ZNF595: variants seen among roughly 807,000 people sequenced by gnomAD.
ZNF595 encodes zinc finger protein 595.
Under a neutral mutation model 19.4 loss-of-function variants are expected in ZNF595, and 9 were observed. The ratio of observed to expected loss-of-function variants is 0.46; its 90% CI spans 0.28 to 0.81. ZNF595 has a LOEUF of 0.81. ZNF595 is among the 30% of genes least tolerant of loss of function. The pLI is 0.11. For synonymous variants in ZNF595, 255 were observed against 255.9 expected, an observed-to-expected ratio of 1.00 and a Z score of 0.03; for missense variants, 729 against 736.0, an observed-to-expected ratio of 0.99 and a Z score of 0.11.
intron 1 of ZNF595, among the ~76,000 whole-genome samples, chr4:59,167 CT>C (rs1712744570): frequency 1.3e-5 from 2 of 151,718 alleles, no homozygotes; most frequent in East Asian, 3.9e-4. Context: ...TGAGTTCACC[CT>C]TTGTTCAAGG....
At chr4:79,441 A>T (rs143534834) in intron 3 of ZNF595, among the ~76,000 whole-genome samples, 12 of 152,324 alleles carry the variant, frequency 7.9e-5, no homozygotes, top group African/African-American at 2.6e-4. Context: ...CTGCTTTATC[A>T]TGTGGGTAAT....
Position 85,819 on chromosome 4 carries a change from A to G in ZNF595, c.315A>G (p.Lys105=), listed in dbSNP as rs782006944. Residue 105 remains lysine (K), a synonymous_variant, in exon 4 of 4, where the codon AAA becomes AAG. Coordinates refer to ENST00000610261, the MANE Select transcript of ZNF595 (RefSeq NM_182524.4). ...FHKLILKRYE[K]CGHENLQLRK... ...AACTTATACTGAAAAGATACGAGAA[A>G]TGTGGACATGAGAATTTACAATTAA... is the stretch of plus-strand genomic sequence containing the variant. The G allele has an allele frequency of 4.4e-5, 71 of 1,613,922 alleles. No individual in the cohort carries two copies. Among genetic ancestry groups the G allele is most frequent in the Non-Finnish European group, 5.7e-5 (67 of 1,179,940 alleles).
Position 87,213 on chromosome 4 carries a change from G to A in ZNF595, c.1709G>A (p.Gly570Asp). 1 of 1,595,188 alleles carries A rather than the reference G, an allele frequency of 6.3e-7. No individual in the cohort carries two copies. Among genetic ancestry groups the A allele is most frequent in the Non-Finnish European group, 8.6e-7 (1 of 1,167,692 alleles). Residue 570 changes from glycine to aspartate, a missense_variant, in exon 4 of 4, where the codon GGC becomes GAC. Gly to Asp is a moderately conservative substitution (Grantham distance 94). This residue lies in a region of ZNF595 where 729 missense variants were observed against 675.3 expected (regional missense o/e 1.08). Coordinates refer to ENST00000610261, the MANE Select transcript of ZNF595 (RefSeq NM_182524.4). The part of the protein sequence containing the change: ...GEKPYKCKEC[G>D]KAYNLSSTLT... ...AAACCCTACAAATGCAAAGAATGTG[G>A]CAAAGCCTATAACTTATCCTCAACC...
chr4:69,623 T>G (rs1713345569), intron 3 of ZNF595, among the ~76,000 whole-genome samples: 1 of 152,222 alleles, frequency 6.6e-6, no homozygotes, highest in African/African-American at 2.4e-5. Context: ...TTATGTGCCT[T>G]ACGTATTCTG....
chr4:73,643 C>T (rs539523222), intron 3 of ZNF595, among the ~76,000 whole-genome samples: 2 of 152,294 alleles, frequency 1.3e-5, no homozygotes, highest in East Asian at 3.9e-4. Flanking sequence ...TAACCCACCT[C>T]CTCTTTTCCC....
chr4:68,757 A>G (rs1713310502), intron 3 of ZNF595, among the ~76,000 whole-genome samples: 1 of 152,348 alleles, frequency 6.6e-6, no homozygotes, highest in African/African-American at 2.4e-5. Context: ...TTATTTTACG[A>G]ACAATCTAAT....
intron 3 of ZNF595, chr4:60,521 A>G (rs1712807713): frequency 2.9e-5 from 13 of 452,370 alleles, no homozygotes; most frequent in South Asian, 2.1e-4. Context: ...CATGCCTAAA[A>G]TACGTAAGGT....
In ZNF595 at chr4:85,967, A is replaced by G; in HGVS notation, c.463A>G (p.Ser155Gly). 2 of 1,609,484 alleles carry G rather than the reference A, an allele frequency of 1.2e-6. No individual in the cohort carries two copies. The highest frequency in any genetic ancestry group is 1.7e-6 in the Non-Finnish European group (2 of 1,177,392). The change falls in exon 4 of 4, where the codon AGT becomes GGT. Residue 155 changes from serine (S) to glycine (G), a missense_variant. Coordinates refer to ENST00000610261, the MANE Select transcript of ZNF595 (RefSeq NM_182524.4). ...ATGTAATACATGTGTTAAAGTTTTT[A>G]GTAAATTTTCAAATTCAAACAAACA... ...FQCNTCVKVF[S>G]KFSNSNKHKI...
At chr4:81,137 G>T (rs1453058885) in intron 3 of ZNF595, among the ~76,000 whole-genome samples, 1 of 152,152 alleles carries the variant, frequency 6.6e-6, no homozygotes, top group Non-Finnish European at 1.5e-5. Context: ...CCAGCTTCAT[G>T]CATGTCCCTG....
intron 3 of ZNF595, among the ~76,000 whole-genome samples, chr4:79,680 T>TTG (rs1273956580): frequency 6.6e-6 from 1 of 151,710 alleles, no homozygotes; most frequent in Non-Finnish European, 1.5e-5. Context: ...TTGTTGTTTT[T>TTG]TTTTTTTTTC....
At chr4:66,749 A>C (rs1289990792) in intron 3 of ZNF595, among the ~76,000 whole-genome samples, 2 of 152,228 alleles carry the variant, frequency 1.3e-5, no homozygotes, top group Admixed American at 6.5e-5. Context: ...TCATTTGAAC[A>C]TATACACAGT....
At chr4:80,888 T>C (rs1229891223) in intron 3 of ZNF595, among the ~76,000 whole-genome samples, 1 of 151,610 alleles carries the variant, frequency 6.6e-6, no homozygotes, top group African/African-American at 2.4e-5. Context: ...TAAGTATACA[T>C]GCGCCATGGT....
intron 3 of ZNF595, among the ~76,000 whole-genome samples, chr4:75,098 A>C (rs1453881113): frequency 6.6e-6 from 1 of 151,672 alleles, no homozygotes; most frequent in African/African-American, 2.4e-5. Context: ...GTTATTATTG[A>C]CATGGAATAT....
At chr4:70,173 T>C (rs569290245) in intron 3 of ZNF595, among the ~76,000 whole-genome samples, 2 of 152,274 alleles carry the variant, frequency 1.3e-5, no homozygotes, top group Non-Finnish European at 2.9e-5. Context: ...ATAATTATCT[T>C]TAATATTTTT....
At position 87,415 on chromosome 4, in the gene ZNF595, A is replaced by G; in HGVS notation, c.1911A>G (p.Val637=). Reference sequence around the variant, plus strand: ...TTAATCGGCCCTCAACCCTTACTGTACACAAGCGAATTCATACTGGCAAGG... The same window carrying G: ...TTAATCGGCCCTCAACCCTTACTGTGCACAAGCGAATTCATACTGGCAAGG... The part of the protein sequence containing the change: ...KAFNRPSTLT[V]HKRIHTGKEH... Residue 637 remains valine, a synonymous_variant, in exon 4 of 4, where the codon GTA becomes GTG. Transcript: ENST00000610261. 6.2e-7 allele frequency: 1 copy of G among 1,605,448 alleles called. No homozygotes were observed. The highest frequency in any genetic ancestry group is 1.3e-5 in the African/African-American group (1 of 74,760).
intron 2 of ZNF595, among the ~76,000 whole-genome samples, chr4:59,850 T>G (rs1006054297): frequency 0.029 from 3,510 of 121,246 alleles, no homozygotes; most frequent in Middle Eastern, 0.048. Flanking sequence ...TTTGCACCAC[T>G]TATTTTTGAT....
Position 86,547 on chromosome 4 carries a change from CT to C in ZNF595, c.1047del (p.Phe349LeufsTer119), listed in dbSNP as rs782391942. On this transcript the variant is annotated frameshift_variant, in exon 4 of 4. Transcript: ENST00000610261. LOFTEE classifies it high-confidence loss of function. ...KPYTCEKCGK[A>X]FNQSSSLIIH... ...TACACATGTGAAAAATGTGGCAAAG[CT>C]TTTAACCAATCCTCAAGTCTTATTA... is the stretch of plus-strand genomic sequence containing the variant. The C allele has an allele frequency of 5.6e-6, 9 of 1,613,706 alleles. No individual in the cohort carries two copies. In the East Asian group the frequency reaches 2.0e-4, roughly 36 times the overall value.
chr4:78,025 T>C (rs1713744857), intron 3 of ZNF595, among the ~76,000 whole-genome samples: 1 of 152,188 alleles, frequency 6.6e-6, no homozygotes, highest in Non-Finnish European at 1.5e-5. Flanking sequence ...TGTTTGTTTT[T>C]TGAGACGGAG....
rs201373085 is a variant in ZNF595, at chr4:84,225, TTAAAA to T, written c.227-1504_227-1500del. 6.3e-3 allele frequency among the ~76,000 whole-genome samples: 961 copies of T among 152,298 alleles called. 7 individuals are homozygous for T. Among genetic ancestry groups the T allele is most frequent in the Non-Finnish European group, 8.3e-3 (564 of 68,000 alleles). On this transcript the variant is annotated intron_variant, in intron 3 of 3. Coordinates refer to ENST00000610261, the MANE Select transcript of ZNF595 (RefSeq NM_182524.4). ...TGCTCTTTAAAATTTTAGAGAATAA[TTAAAA>T]TGTTTTCTGCACTATCATGATAATG...
Sources: allele counts gnomAD v4.1 joint callset (sites outside exome capture counted in the v4.1 genomes callset), GRCh38; gene constraint gnomAD v4.1.1; regional missense constraint gnomAD v4.1.1; transcripts MANE v1.5; gene names NCBI Gene and HGNC (gene_info 2026-07-23, HGNC 2026-07-21).